Variants in FAM53B observed in about 807,000 individuals in gnomAD.
FAM53B encodes protein FAM53B.
A neutral mutation model predicts 32.7 loss-of-function variants in FAM53B; 12 were observed. That is an observed-to-expected ratio of 0.37 (90% CI 0.24 to 0.59). The LOEUF is 0.59. Ranked by LOEUF, FAM53B falls within the 20% of genes least tolerant of loss-of-function variation. FAM53B has a pLI of 0.72. For missense variants in FAM53B, 477 were observed against 577.7 expected (o/e 0.83, Z 1.79); for synonymous variants, 234 against 228.7 (o/e 1.02, Z -0.21).
At chr10:124,667,036 C>G (rs898705103) in intron 4 of FAM53B, among the ~76,000 whole-genome samples, 1 of 152,108 alleles carries the variant, frequency 6.6e-6, no homozygotes, top group Non-Finnish European at 1.5e-5. Flanking sequence ...GACCCCCAAC[C>G]CCCCCACACT....
intron 1 of FAM53B, among the ~76,000 whole-genome samples, chr10:124,720,470 T>C (rs970962355): frequency 6.6e-6 from 1 of 151,980 alleles, no homozygotes; most frequent in Non-Finnish European, 1.5e-5. Flanking sequence ...CGAAAATAAT[T>C]TTTTTTTAAG....
intron 3 of FAM53B, among the ~76,000 whole-genome samples, chr10:124,687,435 C>T (rs908112946): frequency 1.3e-5 from 2 of 152,224 alleles, no homozygotes; most frequent in Admixed American, 1.3e-4. Context: ...CTGTAAGTTA[C>T]TCAGTTCCTC....
At chr10:124,632,802 T>C (rs933931341) in intron 4 of FAM53B, among the ~76,000 whole-genome samples, 1 of 152,250 alleles carries the variant, frequency 6.6e-6, no homozygotes, top group Admixed American at 6.5e-5. Context: ...AGCTGCGTGA[T>C]GTGCAATCGC....
intron 2 of FAM53B, among the ~76,000 whole-genome samples, chr10:124,699,657 T>C (rs993933849): frequency 2.0e-5 from 3 of 152,328 alleles, no homozygotes; most frequent in African/African-American, 4.8e-5. Flanking sequence ...CAATTCTGAA[T>C]TGGGATACCT....
Position 124,706,714 on chromosome 10 carries a change from G to A in FAM53B, c.-1C>T, listed in dbSNP as rs745617544. The A allele has an allele frequency of 1.2e-6, 2 of 1,613,988 alleles. No individual in the cohort carries two copies. The highest frequency in any genetic ancestry group is 1.7e-5 in the Admixed American group (1 of 60,012). On this transcript the variant is annotated 5_prime_UTR_variant, in exon 2 of 5. Transcript: ENST00000337318. The stretch of plus-strand genomic sequence containing the variant: ...GGCTTTCACTTAGGACCATCACCAT[G>A]ATAAGGGCCTCAGGCGCTGGGCTCC...
At chr10:124,697,921 C>A (rs1439182554) in intron 2 of FAM53B, among the ~76,000 whole-genome samples, 1 of 149,086 alleles carries the variant, frequency 6.7e-6, no homozygotes, top group African/African-American at 2.5e-5. Context: ...CCTGCTTCCT[C>A]CCATCCCCCA....
intron 4 of FAM53B, among the ~76,000 whole-genome samples, chr10:124,652,179 G>T (rs1949560316): frequency 6.6e-6 from 1 of 152,192 alleles, no homozygotes; most frequent in African/African-American, 2.4e-5. Context: ...TCCAGCAATG[G>T]TTATGAAAAC....
chr10:124,677,324 A>G (rs948967813), intron 4 of FAM53B, among the ~76,000 whole-genome samples: 9 of 152,248 alleles, frequency 5.9e-5, no homozygotes, highest in Non-Finnish European at 1.0e-4. Flanking sequence ...CCTGCCTTCA[A>G]TGGCAGACAT....
At chr10:124,679,606 G>A (rs1949756492) in intron 4 of FAM53B, among the ~76,000 whole-genome samples, 1 of 152,342 alleles carries the variant, frequency 6.6e-6, no homozygotes, top group Admixed American at 6.5e-5. Flanking sequence ...CAGCCTCAGG[G>A]CTCTGGCCAT....
chr10:124,693,411 C>T (rs1258735580), intron 3 of FAM53B, among the ~76,000 whole-genome samples: 2 of 151,198 alleles, frequency 1.3e-5, no homozygotes, highest in Non-Finnish European at 2.9e-5. Context: ...CGGACGTTGC[C>T]GTGGGCCAAG....
intron 1 of FAM53B, among the ~76,000 whole-genome samples, chr10:124,720,112 G>A (rs1950060086): frequency 6.6e-6 from 1 of 150,812 alleles, no homozygotes. Context: ...GCAGTGAGCC[G>A]AGATCGCGCC....
chr10:124,636,766 G>A (rs1363486640), intron 4 of FAM53B, among the ~76,000 whole-genome samples: 4 of 152,026 alleles, frequency 2.6e-5, no homozygotes, highest in Admixed American at 1.3e-4. Flanking sequence ...ATGTCTGTGA[G>A]CAGCCTCGGT....
At chr10:124,655,275 A>G (rs538699925) in intron 4 of FAM53B, among the ~76,000 whole-genome samples, 109 of 151,906 alleles carry the variant, frequency 7.2e-4, no homozygotes, top group Non-Finnish European at 1.1e-3. Context: ...CCTGGACACC[A>G]CCCAGTCTCA....
At chr10:124,722,672 A>G (rs914730956) in intron 1 of FAM53B, among the ~76,000 whole-genome samples, 7 of 152,262 alleles carry the variant, frequency 4.6e-5, no homozygotes, top group Non-Finnish European at 7.3e-5. Flanking sequence ...TAAAATCAAA[A>G]ATATAAAAAA....
chr10:124,671,963 A>T (rs887710655), intron 4 of FAM53B, among the ~76,000 whole-genome samples: 2 of 152,188 alleles, frequency 1.3e-5, no homozygotes, highest in African/African-American at 4.8e-5. Flanking sequence ...TTCGTGTGGC[A>T]TTTGCTTTCT....
chr10:124,654,095 A>C (rs1949571554), intron 4 of FAM53B, among the ~76,000 whole-genome samples: 1 of 152,236 alleles, frequency 6.6e-6, no homozygotes, highest in South Asian at 2.1e-4. Flanking sequence ...TTATTTGGAA[A>C]AACTGTGGCT....
chr10:124,702,821 G>A (rs1223947766), intron 2 of FAM53B, among the ~76,000 whole-genome samples: 1 of 152,174 alleles, frequency 6.6e-6, no homozygotes, highest in Non-Finnish European at 1.5e-5. Flanking sequence ...GGGGGTGTTT[G>A]GGTCATGGGA....
At chr10:124,691,860 G>A (rs1055792878) in intron 3 of FAM53B, among the ~76,000 whole-genome samples, 1 of 152,198 alleles carries the variant, frequency 6.6e-6, no homozygotes, top group Admixed American at 6.5e-5. Context: ...TCCCCACACA[G>A]GATGACTCTC....
intron 4 of FAM53B, among the ~76,000 whole-genome samples, chr10:124,676,672 T>A (rs1048668242): frequency 3.9e-5 from 6 of 152,174 alleles, no homozygotes; most frequent in Non-Finnish European, 8.8e-5. Context: ...GAGTCACTGA[T>A]GAGCATACGC....
Sources: gnomAD v4.1 joint callset for allele counts (sites outside exome capture counted in the v4.1 genomes callset) on GRCh38, gnomAD v4.1.1 for gene constraint, MANE v1.5 for transcripts, NCBI Gene and HGNC (gene_info 2026-07-23, HGNC 2026-07-21) for gene names.